The following IGSF3 variants were observed in gnomAD, a reference collection of about 807,000 sequenced individuals.
IGSF3 encodes the protein immunoglobulin superfamily member 3, also known as glu-Trp-Ile EWI motif-containing protein 3.
In IGSF3, 23 loss-of-function variants were observed where a neutral mutation model predicts 114.4. The ratio of observed to expected loss-of-function variants is 0.20; its 90% CI spans 0.14 to 0.28. The LOEUF (loss-of-function observed/expected upper bound fraction) is 0.28. IGSF3 is among the 10% of genes least tolerant of loss of function. The pLI is 1.00. For synonymous variants in IGSF3, 571 were observed against 645.2 expected, an observed-to-expected ratio of 0.88 and a Z score of 1.74; for missense variants, 1,172 against 1,591.5, an observed-to-expected ratio of 0.74 and a Z score of 4.48.
Position 116,650,689 on chromosome 1 carries a change from A to C in IGSF3, c.43+15595T>G, listed in dbSNP as rs952220178. ...ATACCACATATCTGTGTTTCCCCTC[A>C]CTTGCCACCCCCATCCTGTGCTGGC... On this transcript the variant is annotated intron_variant, in intron 2 of 10. Transcript: ENST00000369486. The surrounding 1 kb of genome is among the most constrained non-coding windows in gnomAD (Gnocchi z 5.0). Among the ~76,000 whole-genome samples the C allele has an allele frequency of 1.6e-4, 25 of 152,352 alleles. No homozygotes were observed. The highest frequency in any genetic ancestry group is 6.0e-4 in the African/African-American group (25 of 41,590).
At chr1:116,602,409 C>A (rs1449387123) in intron 6 of IGSF3, among the ~76,000 whole-genome samples, 1 of 151,456 alleles carries the variant, frequency 6.6e-6, no homozygotes, top group Admixed American at 6.6e-5. Flanking sequence ...AAGTTGTCCC[C>A]CAAGTTCCAT....
intron 2 of IGSF3, among the ~76,000 whole-genome samples, chr1:116,631,430 G>T (rs1186629968): frequency 2.0e-5 from 3 of 151,666 alleles, no homozygotes; most frequent in African/African-American, 7.3e-5. Flanking sequence ...TGGGAAGATT[G>T]TTCTGGCAGA....
chr1:116,606,401 A>C, intron 5 of IGSF3: 2 of 1,585,078 alleles, frequency 1.3e-6, no homozygotes, highest in Non-Finnish European at 1.7e-6. Context: ...ATGCAGAAGC[A>C]CTTTGGTCTC....
rs1250065954 is a variant in IGSF3, at chr1:116,593,713, G to C, written c.2030-4609C>G. Among the ~76,000 whole-genome samples, 1 of 152,164 alleles carries C rather than the reference G, an allele frequency of 6.6e-6. No individual in the cohort carries two copies. Among genetic ancestry groups the C allele is most frequent in the African/African-American group, 2.4e-5 (1 of 41,432 alleles). The stretch of plus-strand genomic sequence containing the variant: ...ATGACACTCCCTCCCTCTCAGCCTA[G>C]CCACAGCCAGGGGATTTCCCTAAAT... On this transcript the variant is annotated intron_variant, in intron 7 of 10. Transcript: ENST00000369486. This position sits in a 1 kb window ranked among gnomAD's most constrained non-coding sequence, Gnocchi z 4.5.
Position 116,587,874 on chromosome 1 carries a change from G to A in IGSF3, c.2440+820C>T, listed in dbSNP as rs111742802. Among the ~76,000 whole-genome samples the A allele has an allele frequency of 2.8e-3, 428 of 152,298 alleles. 3 individuals are homozygous for A. Among genetic ancestry groups the A allele is most frequent in the African/African-American group, 9.9e-3 (410 of 41,558 alleles). On this transcript the variant is annotated intron_variant, in intron 8 of 10. Coordinates refer to ENST00000369486, the MANE Select transcript of IGSF3 (RefSeq NM_001007237.3). ...AAGAAGGACAGGCAGTGACAACAACGAATTGCAGGGATGTGAGAATGAGGG... is the reference window on the plus strand; with the variant it reads ...AAGAAGGACAGGCAGTGACAACAACAAATTGCAGGGATGTGAGAATGAGGG...
rs1483013071 is a variant in IGSF3, at chr1:116,594,418, T to C, written c.2030-5314A>G. Among the ~76,000 whole-genome samples, 1 of 152,254 alleles carries C rather than the reference T, an allele frequency of 6.6e-6. No homozygotes were observed. Among genetic ancestry groups the C allele is most frequent in the Non-Finnish European group, 1.5e-5 (1 of 68,040 alleles). On this transcript the variant is annotated intron_variant, in intron 7 of 10. Transcript: ENST00000369486. This position sits in a 1 kb window ranked among gnomAD's most constrained non-coding sequence, Gnocchi z 5.2. The stretch of plus-strand genomic sequence containing the variant: ...TAAATTATTACAAAAATGGAGTATA[T>C]GATCTGGGTATGAGCTAAAGTCCTA...
chr1:116,667,492 C>G (rs1649387245), intron 1 of IGSF3, 126 bp downstream of exon 1: 1 of 151,838 alleles, frequency 6.6e-6, no homozygotes, highest in Non-Finnish European at 1.5e-5. Flanking sequence ...GTCTCGGGCC[C>G]GACCCGGAGC....
chr1:116,617,287 GTTC>G, intron 2 of IGSF3: 1 of 979,828 alleles, frequency 1.0e-6, no homozygotes, highest in South Asian at 4.7e-5. Context: ...CCTTCTCCAT[GTTC>G]TTCTTAAAGT....
At position 116,582,939 on chromosome 1, in the gene IGSF3, G is replaced by A. The variant is rs1433177475; in HGVS notation, c.2848+1706C>T. Among the ~76,000 whole-genome samples, 2 of 152,308 alleles carry A rather than the reference G, an allele frequency of 1.3e-5. No homozygotes were observed. Among genetic ancestry groups the A allele is most frequent in the Middle Eastern group, 3.4e-3 (1 of 294 alleles). ...ATCAGGGACAGATGGACAAAGGGAC[G>A]GGAAGGCAGATTGATCCAGGCTTGC... On this transcript the variant is annotated intron_variant, in intron 9 of 10. Coordinates refer to ENST00000369486, the MANE Select transcript of IGSF3 (RefSeq NM_001007237.3). This position sits in a 1 kb window ranked among gnomAD's most constrained non-coding sequence, Gnocchi z 4.7.
At position 116,608,060 on chromosome 1, in the gene IGSF3, C is replaced by T; in HGVS notation, c.1104G>A (p.Gln368=). 1 of 1,613,944 alleles carries T rather than the reference C, an allele frequency of 6.2e-7. No homozygotes were observed. The highest frequency in any genetic ancestry group is 8.5e-7 in the Non-Finnish European group (1 of 1,179,858). ...VFVLKIYHLR[Q]EDSGKYNCRV... is the part of the protein sequence containing the mutation. Reference sequence around the variant, plus strand: ...GGCAGTTGTATTTCCCGCTATCTTCCTGGCGGAGGTGGTAGATCTTCAGCA... The same window carrying T: ...GGCAGTTGTATTTCCCGCTATCTTCTTGGCGGAGGTGGTAGATCTTCAGCA... The change falls in exon 5 of 11, where the codon CAG becomes CAA. Residue 368 remains glutamine (Q), a synonymous_variant. Coordinates refer to ENST00000369486, the MANE Select transcript of IGSF3 (RefSeq NM_001007237.3).
rs1173514167 is a variant in IGSF3 at position 116,607,420 on chromosome 1, A to G, written c.1222+522T>C. Among the ~76,000 whole-genome samples the G allele has an allele frequency of 1.3e-5, 2 of 152,238 alleles. No individual in the cohort carries two copies. The highest frequency in any genetic ancestry group is 2.4e-5 in the African/African-American group (1 of 41,454). ...CCATCCACCGACTTTTAGAAACACA[A>G]TTTCAACAGGGAAAAGCCATTTAGG... On this transcript the variant is annotated intron_variant, in intron 5 of 10. Transcript: ENST00000369486. The surrounding 1 kb of genome is among the most constrained non-coding windows in gnomAD (Gnocchi z 6.1).
At position 116,654,352 on chromosome 1, in the gene IGSF3, G is replaced by A. The variant is rs1443166278; in HGVS notation, c.43+11932C>T. On this transcript the variant is annotated intron_variant, in intron 2 of 10. Coordinates refer to ENST00000369486, the MANE Select transcript of IGSF3 (RefSeq NM_001007237.3). This position sits in a 1 kb window ranked among gnomAD's most constrained non-coding sequence, Gnocchi z 4.4. ...AGTCTCAGAGGGCTCACGGAGAAGGGGGAAGCTCTTGGCTACCCAGGAGGT... is the reference window on the plus strand; with the variant it reads ...AGTCTCAGAGGGCTCACGGAGAAGGAGGAAGCTCTTGGCTACCCAGGAGGT... 6.6e-6 allele frequency among the ~76,000 whole-genome samples: 1 copy of A among 152,242 alleles called. No individual in the cohort carries two copies. Among genetic ancestry groups the A allele is most frequent in the Non-Finnish European group, 1.5e-5 (1 of 68,052 alleles).
chr1:116,660,286 T>C (rs547300237), intron 2 of IGSF3, among the ~76,000 whole-genome samples: 58 of 152,118 alleles, frequency 3.8e-4, no homozygotes, highest in Admixed American at 9.2e-4. Flanking sequence ...TCTTCCTGAG[T>C]GTCTTCCCCA....
intron 2 of IGSF3, chr1:116,617,239 C>T (rs1191172988): frequency 8.4e-6 from 8 of 952,456 alleles, no homozygotes; most frequent in African/African-American, 3.5e-5. Context: ...CTCCTGCCTT[C>T]TGGCTCAGAT....
chr1:116,622,531 C>T (rs1661457635), intron 2 of IGSF3, among the ~76,000 whole-genome samples: 1 of 152,028 alleles, frequency 6.6e-6, no homozygotes, highest in Non-Finnish European at 1.5e-5. Context: ...TGGGCTGAAT[C>T]GCTGAATGGT....
Position 116,593,552 on chromosome 1 carries a change from G to A in IGSF3, c.2030-4448C>T, listed in dbSNP as rs1272517064. Reference sequence around the variant, plus strand: ...TGCATGGGAAGCCAGTGGCACAGGCGCCTGCCAGTCAAACTGTTACTACCC... The same window carrying A: ...TGCATGGGAAGCCAGTGGCACAGGCACCTGCCAGTCAAACTGTTACTACCC... On this transcript the variant is annotated intron_variant, in intron 7 of 10. Coordinates refer to ENST00000369486, the MANE Select transcript of IGSF3 (RefSeq NM_001007237.3). The surrounding 1 kb of genome is among the most constrained non-coding windows in gnomAD (Gnocchi z 4.5). Among the ~76,000 whole-genome samples the A allele has an allele frequency of 2.0e-5, 3 of 152,162 alleles. No homozygotes were observed. The highest frequency in any genetic ancestry group is 2.9e-5 in the Non-Finnish European group (2 of 68,010).
At chr1:116,620,211 C>T (rs1661369555) in intron 2 of IGSF3, among the ~76,000 whole-genome samples, 1 of 152,072 alleles carries the variant, frequency 6.6e-6, no homozygotes, top group Non-Finnish European at 1.5e-5. Context: ...AGAGTTTATG[C>T]TAACGAGGTG....
chr1:116,599,782 A>G (rs1013885506), intron 7 of IGSF3, among the ~76,000 whole-genome samples, 159 bp downstream of exon 7: 4 of 152,228 alleles, frequency 2.6e-5, no homozygotes, highest in Admixed American at 6.5e-5. Flanking sequence ...ACAAGTGTCC[A>G]CTGCACGATT....
At chr1:116,599,903 C>A in intron 7 of IGSF3, 38 bp downstream of exon 7, 1 of 1,575,958 alleles carries the variant, frequency 6.3e-7, no homozygotes, top group Non-Finnish European at 8.7e-7. Flanking sequence ...TCTGCTCAGG[C>A]AGCATGGGCA....
Sources: gnomAD v4.1 joint callset for allele counts (sites outside exome capture counted in the v4.1 genomes callset) on GRCh38, gnomAD v4.1.1 for gene constraint, Gnocchi (gnomAD v3.1) non-coding constraint, MANE v1.5 for transcripts, NCBI Gene and HGNC (gene_info 2026-07-23, HGNC 2026-07-21) for gene names.